The following MTUS2 variants were observed in gnomAD, a reference collection of about 807,000 sequenced individuals.
MTUS2 encodes the protein microtubule associated scaffold protein 2.
MTUS2 carries 40 observed loss-of-function variants against 114.1 expected under a neutral mutation model. That is an observed-to-expected ratio of 0.35 (90% CI 0.27 to 0.46). MTUS2 has a LOEUF of 0.46. Among genes scored for constraint, MTUS2 ranks in the 20% least tolerant of loss-of-function variants. MTUS2 has a pLI of 1.00. For missense variants in MTUS2, 1,679 were observed against 1,705.4 expected, an observed-to-expected ratio of 0.98 and a Z score of 0.27; for synonymous variants, 688 against 672.0, an observed-to-expected ratio of 1.02 and a Z score of -0.37.
chr13:28,993,982 A>G (rs1225232459), intron 2 of MTUS2, among the ~76,000 whole-genome samples: 2 of 152,016 alleles, frequency 1.3e-5, no homozygotes, highest in South Asian at 2.1e-4. Context: ...TACACGTGCC[A>G]TGTTGGTGTG....
At chr13:29,037,991 C>T (rs1887162252) in intron 4 of MTUS2, among the ~76,000 whole-genome samples, 1 of 152,088 alleles carries the variant, frequency 6.6e-6, no homozygotes, top group South Asian at 2.1e-4. Context: ...GGTTGTTACC[C>T]ACGTTTTGAA....
At chr13:29,334,552 G>A (rs1337090390) in intron 7 of MTUS2, among the ~76,000 whole-genome samples, 3 of 152,204 alleles carry the variant, frequency 2.0e-5, no homozygotes, top group African/African-American at 7.2e-5. Context: ...GGCTGGTAGT[G>A]TTTCTGCAGA....
chr13:29,452,560 A>G (rs543633812), intron 9 of MTUS2, among the ~76,000 whole-genome samples: 10 of 75,962 alleles, frequency 1.3e-4, no homozygotes, highest in South Asian at 1.2e-3. Flanking sequence ...CCAACTGTGT[A>G]TATATATATA....
intron 2 of MTUS2, among the ~76,000 whole-genome samples, chr13:28,896,703 G>T (rs1411687184): frequency 2.6e-5 from 4 of 152,136 alleles, no homozygotes; most frequent in African/African-American, 9.7e-5. Context: ...CCAAAACAGA[G>T]ATATAGACCA....
chr13:28,876,574 C>G (rs1205417693), intron 2 of MTUS2, among the ~76,000 whole-genome samples: 2 of 152,156 alleles, frequency 1.3e-5, no homozygotes, highest in Non-Finnish European at 2.9e-5. Flanking sequence ...TGCAGAAGAT[C>G]GAGGAAGATC....
chr13:29,407,517 G>T (rs1874863902), intron 8 of MTUS2, among the ~76,000 whole-genome samples: 1 of 149,874 alleles, frequency 6.7e-6, no homozygotes, highest in Admixed American at 6.7e-5. Context: ...CGCTCTTGTT[G>T]CCCAGGCTGG....
chr13:28,929,851 A>G (rs1881520436), intron 2 of MTUS2, among the ~76,000 whole-genome samples: 2 of 152,124 alleles, frequency 1.3e-5, no homozygotes, highest in South Asian at 4.1e-4. Context: ...CCCACTGTGT[A>G]GTATATGATC....
intron 5 of MTUS2, among the ~76,000 whole-genome samples, chr13:29,235,102 A>G (rs1318362288): frequency 1.3e-5 from 2 of 152,020 alleles, no homozygotes; most frequent in African/African-American, 4.8e-5. Context: ...TAATTAATTA[A>G]TTAATTTTTT....
intron 4 of MTUS2, among the ~76,000 whole-genome samples, chr13:29,077,831 A>C (rs1000066031): frequency 1.2e-4 from 19 of 152,210 alleles, no homozygotes; most frequent in Non-Finnish European, 2.5e-4. Flanking sequence ...GATCTTTATC[A>C]ATATAATAGT....
intron 5 of MTUS2, among the ~76,000 whole-genome samples, chr13:29,269,364 G>T (rs1001319681): frequency 6.6e-6 from 1 of 152,082 alleles, no homozygotes; most frequent in Non-Finnish European, 1.5e-5. Flanking sequence ...AGCTTTATTG[G>T]TTTTACATTC....
chr13:28,923,323 A>G (rs1053403591), intron 2 of MTUS2, among the ~76,000 whole-genome samples: 1 of 152,154 alleles, frequency 6.6e-6, no homozygotes, highest in African/African-American at 2.4e-5. Flanking sequence ...GTTTCTTGGT[A>G]TGATGATTGA....
At chr13:29,022,420 C>G (rs1216640851) in intron 2 of MTUS2, among the ~76,000 whole-genome samples, 2 of 152,132 alleles carry the variant, frequency 1.3e-5, no homozygotes, top group African/African-American at 4.8e-5. Context: ...CCAAGGCTGA[C>G]CTCAAGTGAT....
chr13:29,279,909 A>C (rs1026894210), intron 5 of MTUS2, among the ~76,000 whole-genome samples: 1 of 152,242 alleles, frequency 6.6e-6, no homozygotes, highest in African/African-American at 2.4e-5. Flanking sequence ...AGAAATTTTC[A>C]TAAACTGTTA....
chr13:28,916,227 A>C (rs185767281), intron 2 of MTUS2, among the ~76,000 whole-genome samples: 184 of 151,880 alleles, frequency 1.2e-3, no homozygotes, highest in African/African-American at 3.9e-3. Flanking sequence ...AAGTCGGGCA[A>C]AGTAACTCCT....
intron 6 of MTUS2, among the ~76,000 whole-genome samples, chr13:29,320,903 A>G (rs1004812894): frequency 2.0e-5 from 3 of 152,198 alleles, no homozygotes; most frequent in Non-Finnish European, 4.4e-5. Context: ...TCACTGCTAG[A>G]TATGGTAGGA....
chr13:28,917,489 T>A (rs1204725298), intron 2 of MTUS2, among the ~76,000 whole-genome samples: 1 of 151,830 alleles, frequency 6.6e-6, no homozygotes, highest in Non-Finnish European at 1.5e-5. Context: ...TAAATCTTGG[T>A]AGGTTGTGTA....
chr13:29,494,545 T>C (rs930640634), intron 12 of MTUS2, among the ~76,000 whole-genome samples: 6 of 151,596 alleles, frequency 4.0e-5, no homozygotes, highest in Non-Finnish European at 8.8e-5. Context: ...ACTGAGGAGG[T>C]TTGGTGTAGG....
At chr13:29,499,398 GC>G (rs1265112553) in intron 14 of MTUS2, among the ~76,000 whole-genome samples, 1 of 152,184 alleles carries the variant, frequency 6.6e-6, no homozygotes, top group Non-Finnish European at 1.5e-5. Flanking sequence ...CTGGAAATTG[GC>G]CCCAGGATCT....
At chr13:29,200,410 T>A (rs1412600349) in intron 5 of MTUS2, among the ~76,000 whole-genome samples, 1 of 152,106 alleles carries the variant, frequency 6.6e-6, no homozygotes, top group East Asian at 1.9e-4. Flanking sequence ...TTATTAGTTT[T>A]TAAGAACTTA....
Sources: allele counts gnomAD v4.1 joint callset (sites outside exome capture counted in the v4.1 genomes callset), GRCh38; gene constraint gnomAD v4.1.1; transcripts MANE v1.5; gene names NCBI Gene and HGNC (gene_info 2026-07-23, HGNC 2026-07-21).